SRGAP1: variants seen among roughly 807,000 people sequenced by gnomAD.
SRGAP1 encodes the protein SLIT-ROBO Rho GTPase activating protein 1, also known as SLIT-ROBO Rho GTPase-activating protein 1.
SRGAP1 carries 43 observed loss-of-function variants against 121.9 expected under a neutral mutation model. The observed-to-expected ratio is 0.35, with a 90% CI of 0.28 to 0.46. SRGAP1 has a LOEUF of 0.46. SRGAP1 is among the 20% of genes least tolerant of loss of function. The probability of loss-of-function intolerance (pLI) is 1.00; values close to 1 mark genes in which losing one functional copy is unlikely to be tolerated. For synonymous variants in SRGAP1, 447 were observed against 485.4 expected (o/e 0.92, Z 1.04); for missense variants, 1,102 against 1,350.9 (o/e 0.82, Z 2.89).
intron 1 of SRGAP1, among the ~76,000 whole-genome samples, chr12:63,863,042 T>C (rs1235750798): frequency 6.6e-6 from 1 of 152,146 alleles, no homozygotes; most frequent in African/African-American, 2.4e-5. Flanking sequence ...ATTAATTTGC[T>C]CACCATTTCT....
chr12:63,965,480 AT>A (rs960277813), intron 1 of SRGAP1, among the ~76,000 whole-genome samples: 1 of 152,074 alleles, frequency 6.6e-6, no homozygotes, highest in South Asian at 2.1e-4. Context: ...ATAAAAAGTT[AT>A]TTTTTTATTT....
intron 1 of SRGAP1, among the ~76,000 whole-genome samples, chr12:63,925,006 T>TG (rs2031204059): frequency 7.0e-6 from 1 of 143,136 alleles, no homozygotes; most frequent in African/African-American, 2.4e-5. Flanking sequence ...GGCTCTCAAG[T>TG]GGTGTCATTT....
intron 3 of SRGAP1, among the ~76,000 whole-genome samples, chr12:63,999,451 G>C (rs1211228907): frequency 6.6e-6 from 1 of 152,156 alleles, no homozygotes; most frequent in Non-Finnish European, 1.5e-5. Context: ...GATGAGAGAT[G>C]AGGATGCTCT....
At position 64,111,769 on chromosome 12, in the gene SRGAP1, C is replaced by A; in HGVS notation, c.1927C>A (p.Gln643Lys). 1 of 1,604,638 alleles carries A rather than the reference C, an allele frequency of 6.2e-7. No individual in the cohort carries two copies. Among genetic ancestry groups the A allele is most frequent in the East Asian group, 2.2e-5 (1 of 44,628 alleles). The part of the protein sequence containing the change: ...YLFAFLNHLS[Q>K]YSDENMMDPY... ...TCTTGTTTCCTTTTGTAGTCTATCA[C>A]AGTACAGCGATGAGAATATGATGGA... The change falls in exon 17 of 22, where the codon CAG becomes AAG. Residue 643 changes from glutamine (Q) to lysine (K), a missense_variant. By Grantham distance (53) the Gln-to-Lys change is moderately conservative. Transcript: ENST00000355086.
chr12:64,078,859 C>A, intron 8 of SRGAP1, 60 bp from the exon 9 acceptor site: 3 of 1,555,136 alleles, frequency 1.9e-6, no homozygotes, highest in Non-Finnish European at 2.6e-6. Context: ...AGTGGACTCT[C>A]CCTGTTTGTG....
In SRGAP1 at chr12:64,026,738, C is replaced by T. The variant is rs563390657; in HGVS notation, c.489+9726C>T. On this transcript the variant is annotated intron_variant, in intron 4 of 21. Transcript: ENST00000355086. ...AAAATTAGCCACGCATGGTGATGCG[C>T]GCCTGTAATCCCAGCTACTTGGAAG... Among the ~76,000 whole-genome samples, 27 of 151,476 alleles carry T rather than the reference C, an allele frequency of 1.8e-4. No individual in the cohort carries two copies. The South Asian group carries it at 4.8e-3, about 27-fold the overall frequency.
At chr12:63,946,762 C>G in intron 1 of SRGAP1, among the ~76,000 whole-genome samples, 1 of 152,062 alleles carries the variant, frequency 6.6e-6, no homozygotes, top group Non-Finnish European at 1.5e-5. Flanking sequence ...CTAGGCTAGT[C>G]TCGAACTCCT....
chr12:64,027,046 A>G (rs1947626177), intron 4 of SRGAP1, among the ~76,000 whole-genome samples: 1 of 152,112 alleles, frequency 6.6e-6, no homozygotes, highest in South Asian at 2.1e-4. Flanking sequence ...GTGTGCTGCC[A>G]TGCTAGGAGC....
At position 64,095,006 on chromosome 12, in the gene SRGAP1, T is replaced by C; in HGVS notation, c.1600+14T>C. ...TCAATCTCTATGGTAAGCCATAAAC[T>C]ACAGAATTCTTATTTTTTAAAAAAT... On this transcript the variant is annotated intron_variant, in intron 13 of 21. Transcript: ENST00000355086. 1 of 1,613,380 alleles carries C rather than the reference T, an allele frequency of 6.2e-7. No homozygotes were observed. Among genetic ancestry groups the C allele is most frequent in the Non-Finnish European group, 8.5e-7 (1 of 1,179,484 alleles).
At chr12:63,938,179 A>G (rs2031733925) in intron 1 of SRGAP1, among the ~76,000 whole-genome samples, 1 of 152,228 alleles carries the variant, frequency 6.6e-6, no homozygotes, top group African/African-American at 2.4e-5. Flanking sequence ...TGGAAGCTGC[A>G]GAGCCACACC....
intron 17 of SRGAP1, among the ~76,000 whole-genome samples, chr12:64,113,553 T>G (rs944171133): frequency 5.3e-5 from 8 of 152,300 alleles, no homozygotes; most frequent in Middle Eastern, 3.4e-3. Flanking sequence ...AGGTGATGGA[T>G]ATCCCAGTTA....
chr12:64,003,772 A>G (rs1305272519), intron 3 of SRGAP1, among the ~76,000 whole-genome samples: 1 of 152,032 alleles, frequency 6.6e-6, no homozygotes, highest in East Asian at 1.9e-4. Context: ...AGTGTGGGGC[A>G]TAAAATTAAA....
intron 1 of SRGAP1, among the ~76,000 whole-genome samples, chr12:63,863,001 G>T (rs186987314): frequency 6.6e-6 from 1 of 152,288 alleles, no homozygotes; most frequent in Admixed American, 6.5e-5. Context: ...AAAAGGCGAG[G>T]AATGTTTTCT....
chr12:64,105,979 A>C (rs1432569951), intron 15 of SRGAP1, among the ~76,000 whole-genome samples: 1 of 152,130 alleles, frequency 6.6e-6, no homozygotes, highest in Non-Finnish European at 1.5e-5. Context: ...ACTAGCGTTA[A>C]GCTACAAAAC....
intron 21 of SRGAP1, among the ~76,000 whole-genome samples, chr12:64,137,062 G>T (rs1436302966): frequency 6.6e-6 from 1 of 152,110 alleles, no homozygotes; most frequent in African/African-American, 2.4e-5. Context: ...TCAGCAGTTT[G>T]AGACCAGCCT....
chr12:63,855,103 A>G (rs985424362), intron 1 of SRGAP1, among the ~76,000 whole-genome samples: 3 of 152,220 alleles, frequency 2.0e-5, no homozygotes, highest in African/African-American at 4.8e-5. Context: ...GAGATGTCCA[A>G]TCCAGGCCAG....
chr12:63,975,073 C>T (rs538636518), intron 1 of SRGAP1, among the ~76,000 whole-genome samples: 10 of 152,244 alleles, frequency 6.6e-5, no homozygotes, highest in South Asian at 4.1e-4. Context: ...AATAATTGGC[C>T]AGCACAACAC....
At chr12:63,958,880 G>A in intron 1 of SRGAP1, among the ~76,000 whole-genome samples, 1 of 152,104 alleles carries the variant, frequency 6.6e-6, no homozygotes, top group Non-Finnish European at 1.5e-5. Flanking sequence ...TTAATGGTGT[G>A]TCTATTCATC....
At chr12:63,983,829 TATATATATATATATA>T (rs2033333787) in intron 1 of SRGAP1, 103 bp from the exon 2 acceptor site, 1 of 101,884 alleles carries the variant, frequency 9.8e-6, no homozygotes, top group Non-Finnish European at 1.9e-5. Context: ...TATATATATA[TATATATATATATATA>T]TATATATATA....
Sources: gnomAD v4.1 joint callset for allele counts (sites outside exome capture counted in the v4.1 genomes callset) on GRCh38, gnomAD v4.1.1 for gene constraint, MANE v1.5 for transcripts, NCBI Gene and HGNC (gene_info 2026-07-23, HGNC 2026-07-21) for gene names.